Variants in CIMIP5 observed in about 807,000 individuals in gnomAD.
CIMIP5 encodes the protein ciliary microtubule inner protein 5, also known as uncharacterized protein C2orf50.
the CIMIP5 span, among the ~76,000 whole-genome samples, chr2:11,149,299 G>A: frequency 7.0e-6 from 1 of 142,480 alleles, no homozygotes; most frequent in Non-Finnish European, 1.5e-5. Flanking sequence ...TACTTACCTA[G>A]GAAGCACTCT....
At chr2:11,143,865 C>G in the CIMIP5 span, 307 of 1,432,844 alleles carry the variant, frequency 2.1e-4, 3 homozygotes, top group East Asian at 5.3e-3. Context: ...TTCTCCCATT[C>G]TAAGGTCCTC....
At chr2:11,143,188 A>G in the CIMIP5 span, among the ~76,000 whole-genome samples, 1,367 of 146,998 alleles carry the variant, frequency 9.3e-3, 19 homozygotes, top group Non-Finnish European at 0.011. Context: ...ACCATGGAGT[A>G]CAGTTCACAC....
chr2:11,145,349 T>G, the CIMIP5 span: 1 of 152,232 alleles, frequency 6.6e-6, no homozygotes, highest in Non-Finnish European at 1.5e-5. Flanking sequence ...CAGGCTGGTC[T>G]TGAACTTTTG....
chr2:11,153,189 T>G, the CIMIP5 span, among the ~76,000 whole-genome samples: 1 of 151,844 alleles, frequency 6.6e-6, no homozygotes, highest in Admixed American at 6.6e-5. Flanking sequence ...CAGGGAGGGG[T>G]CTAGGAGCCA....
the CIMIP5 span, chr2:11,133,581 C>G: frequency 1.2e-6 from 2 of 1,601,156 alleles, no homozygotes; most frequent in Non-Finnish European, 8.5e-7. Context: ...GCGGCGGGGC[C>G]AGCAGCGCTG....
chr2:11,135,404 G>T, the CIMIP5 span, among the ~76,000 whole-genome samples: 20 of 152,176 alleles, frequency 1.3e-4, no homozygotes, highest in Admixed American at 9.8e-4. Flanking sequence ...ATCCTAATAG[G>T]TGTGACGTGG....
chr2:11,152,023 G>A, the CIMIP5 span, among the ~76,000 whole-genome samples: 5 of 152,354 alleles, frequency 3.3e-5, no homozygotes, highest in East Asian at 1.9e-4. Context: ...GGAATCACAC[G>A]GGGGTCGAAG....
the CIMIP5 span, among the ~76,000 whole-genome samples, chr2:11,135,142 C>G: frequency 6.6e-6 from 1 of 152,168 alleles, no homozygotes; most frequent in African/African-American, 2.4e-5. Context: ...CCAAACACCT[C>G]CCACTAGGCC....
At chr2:11,148,732 C>CTTTTTTTTCTTTT in the CIMIP5 span, among the ~76,000 whole-genome samples, 1 of 35,540 alleles carries the variant, frequency 2.8e-5, no homozygotes, top group African/African-American at 5.6e-5. Context: ...AATGAAAACT[C>CTTTTTTTTCTTTT]TTTTTTTTTT....
the CIMIP5 span, among the ~76,000 whole-genome samples, chr2:11,133,955 C>T: frequency 6.6e-6 from 1 of 152,058 alleles, no homozygotes; most frequent in Non-Finnish European, 1.5e-5. Context: ...TTCATTCAAC[C>T]AAAAATACCC....
the CIMIP5 span, among the ~76,000 whole-genome samples, chr2:11,136,702 C>T: frequency 1.3e-5 from 2 of 152,102 alleles, no homozygotes; most frequent in African/African-American, 2.4e-5. Context: ...TGCCCAACTC[C>T]GTGAATATAT....
At chr2:11,151,278 G>A in the CIMIP5 span, among the ~76,000 whole-genome samples, 24 of 152,342 alleles carry the variant, frequency 1.6e-4, no homozygotes, top group African/African-American at 2.6e-4. Flanking sequence ...GGGACGTGTC[G>A]TCAGGACCTG....
the CIMIP5 span, among the ~76,000 whole-genome samples, chr2:11,147,560 C>T: frequency 6.6e-6 from 1 of 152,200 alleles, no homozygotes; most frequent in Non-Finnish European, 1.5e-5. Flanking sequence ...CTCCACACTT[C>T]AGGTTAGGTT....
At chr2:11,140,374 T>TAA in the CIMIP5 span, 552 of 280,104 alleles carry the variant, frequency 2.0e-3, 1 homozygote, top group African/African-American at 9.5e-3. Context: ...GCCTCCGTCT[T>TAA]AAAAAAAAAA....
the CIMIP5 span, among the ~76,000 whole-genome samples, chr2:11,152,046 G>T: frequency 4.6e-5 from 7 of 152,212 alleles, no homozygotes; most frequent in African/African-American, 1.7e-4. Flanking sequence ...AAGTTTTCTC[G>T]CTGTCTTCTG....
the CIMIP5 span, among the ~76,000 whole-genome samples, chr2:11,153,253 G>C: frequency 5.9e-5 from 9 of 152,300 alleles, no homozygotes; most frequent in African/African-American, 1.9e-4. Context: ...CAGAGCAGGC[G>C]GCTGCAGTGT....
At chr2:11,140,980 C>T in the CIMIP5 span, among the ~76,000 whole-genome samples, 498 of 152,250 alleles carry the variant, frequency 3.3e-3, 12 homozygotes, top group East Asian at 0.076. Flanking sequence ...TTTCCCTAAA[C>T]GGCAGAACTG....
At chr2:11,135,668 T>TTTTTTTTGG in the CIMIP5 span, among the ~76,000 whole-genome samples, 3 of 1,090 alleles carry the variant, frequency 2.8e-3, no homozygotes, top group Non-Finnish European at 5.0e-3. Flanking sequence ...GTTTTTTTGG[T>TTTTTTTTGG]TTTTTTTTTT....
the CIMIP5 span, chr2:11,144,022 C>A: frequency 1.2e-6 from 2 of 1,607,758 alleles, no homozygotes; most frequent in South Asian, 2.2e-5. Context: ...GCTGGACACA[C>A]CCCTGGGACA....
Sources: gnomAD v4.1 joint callset for allele counts (sites outside exome capture counted in the v4.1 genomes callset) on GRCh38, gnomAD v4.1.1 for gene constraint, MANE v1.5 for transcripts, NCBI Gene and HGNC (gene_info 2026-07-23, HGNC 2026-07-21) for gene names.